Variants in SAMD12 observed in about 807,000 individuals in gnomAD.
SAMD12 encodes the protein sterile alpha motif domain-containing protein 12.
SAMD12 carries 9 observed loss-of-function variants against 15.0 expected under a neutral mutation model. That is an observed-to-expected ratio of 0.60 (90% CI 0.36 to 1.05). The LOEUF (loss-of-function observed/expected upper bound fraction) is 1.05, where lower values mean the gene tolerates loss of function less well. Among genes scored for constraint, SAMD12 ranks in the 50% least tolerant of loss-of-function variants. SAMD12 has a pLI of 0.01. For synonymous variants in SAMD12, 86 were observed against 90.1 expected (o/e 0.96, Z 0.25); for missense variants, 230 against 234.2 (o/e 0.98, Z 0.12).
chr8:118,182,971 T>C, the SAMD12 span, among the ~76,000 whole-genome samples: 1 of 152,224 alleles, frequency 6.6e-6, no homozygotes, highest in Non-Finnish European at 1.5e-5. Flanking sequence ...ATATCTTTAC[T>C]ATAAACACCC....
intron 4 of SAMD12, among the ~76,000 whole-genome samples, chr8:118,292,756 A>G (rs535888693): frequency 5.3e-5 from 8 of 152,164 alleles, no homozygotes; most frequent in Non-Finnish European, 2.9e-5. Context: ...TGGTAGGGAC[A>G]TGGATGAAAT....
chr8:118,282,086 C>T (rs2130165929), intron 4 of SAMD12: 1 of 346,068 alleles, frequency 2.9e-6, no homozygotes, highest in East Asian at 8.0e-5. Context: ...ATGGTAATAA[C>T]TTAATTTGCC....
exon 5 of SAMD12, chr8:118,197,404 T>A: frequency 2.1e-6 from 1 of 465,912 alleles, no homozygotes; most frequent in Non-Finnish European, 3.8e-6. Context: ...CACAGACAGC[T>A]CCCCAAAGGG....
chr8:118,417,335 T>C (rs1351547214), intron 3 of SAMD12, among the ~76,000 whole-genome samples: 1 of 152,178 alleles, frequency 6.6e-6, no homozygotes, highest in Non-Finnish European at 1.5e-5. Context: ...CCTCCCACCT[T>C]GGCCTCCCAA....
At chr8:118,391,124 C>T (rs896500410) in intron 3 of SAMD12, among the ~76,000 whole-genome samples, 5 of 152,036 alleles carry the variant, frequency 3.3e-5, no homozygotes, top group African/African-American at 1.2e-4. Flanking sequence ...TACCAAATCC[C>T]ATCCAAAAAA....
chr8:118,162,524 A>G, the SAMD12 span, among the ~76,000 whole-genome samples: 30 of 152,120 alleles, frequency 2.0e-4, no homozygotes, highest in South Asian at 3.1e-3. Context: ...TGATGAGTTC[A>G]TTGGAGACAT....
At chr8:118,353,242 T>G (rs1818050609) in intron 4 of SAMD12, among the ~76,000 whole-genome samples, 1 of 149,764 alleles carries the variant, frequency 6.7e-6, no homozygotes, top group East Asian at 1.9e-4. Context: ...CATTATATGG[T>G]TTTGTCATAA....
intron 3 of SAMD12, among the ~76,000 whole-genome samples, chr8:118,397,656 A>G (rs1475839019): frequency 6.6e-6 from 1 of 152,204 alleles, no homozygotes; most frequent in Admixed American, 6.5e-5. Flanking sequence ...TAAAAACATT[A>G]TCATCACAAT....
At chr8:118,472,808 C>T (rs888925971) in intron 2 of SAMD12, among the ~76,000 whole-genome samples, 4 of 151,428 alleles carry the variant, frequency 2.6e-5, no homozygotes, top group African/African-American at 9.7e-5. Context: ...ATTGCTGACT[C>T]AGAATAGAAG....
chr8:118,412,893 A>T lies in SAMD12; in HGVS notation c.322+26939T>A, dbSNP rs139250426. ...AGAATATGCTTGGCAGTGGGGTGGTACTGGGGCCCTAGCTATGTGACATGC... is the reference window on the plus strand; with the variant it reads ...AGAATATGCTTGGCAGTGGGGTGGTTCTGGGGCCCTAGCTATGTGACATGC... On this transcript the variant is annotated intron_variant, in intron 3 of 3. Transcript: ENST00000314727. 1.7e-3 allele frequency among the ~76,000 whole-genome samples: 261 copies of T among 152,256 alleles called. 1 individual carries two copies. The highest frequency in any genetic ancestry group is 5.3e-3 in the African/African-American group (222 of 41,532).
downstream of SAMD12, among the ~76,000 whole-genome samples, chr8:118,188,215 G>C (rs919894755): frequency 1.1e-4 from 16 of 152,138 alleles, no homozygotes; most frequent in African/African-American, 3.1e-4. Flanking sequence ...AAAATCATAA[G>C]AGAAAGAGAC....
intron 4 of SAMD12, among the ~76,000 whole-genome samples, chr8:118,358,239 G>A (rs541920999): frequency 4.6e-5 from 7 of 152,184 alleles, no homozygotes; most frequent in Middle Eastern, 3.4e-3. Context: ...TACTTCATCC[G>A]GCCAGACCAC....
the SAMD12 span, among the ~76,000 whole-genome samples, chr8:118,151,907 G>C: frequency 6.6e-6 from 1 of 152,008 alleles, no homozygotes; most frequent in Admixed American, 6.6e-5. Context: ...AGCTCTGGGG[G>C]AGTGCTGGGA....
chr8:118,195,782 A>T (rs1819541593), exon 5 of SAMD12: 1 of 152,416 alleles, frequency 6.6e-6, no homozygotes, highest in Non-Finnish European at 1.5e-5. Context: ...TGCTTGGCAC[A>T]TAGTAGATGC....
chr8:118,149,894 G>A, the SAMD12 span, among the ~76,000 whole-genome samples: 12 of 151,866 alleles, frequency 7.9e-5, no homozygotes, highest in Admixed American at 3.9e-4. Context: ...ATATACATAC[G>A]GGTCTATTTT....
chr8:118,308,029 C>G (rs1242998790), intron 4 of SAMD12, among the ~76,000 whole-genome samples: 1 of 152,242 alleles, frequency 6.6e-6, no homozygotes, highest in Non-Finnish European at 1.5e-5. Context: ...TGTTCCCCTT[C>G]TGCTAGAGAG....
chr8:118,206,761 T>C lies in SAMD12; in HGVS notation c.434-9029A>G, dbSNP rs1819872785. Reference sequence around the variant, plus strand: ...TTCTGGGCACCAAATGGAAATAATCTGATTCAGTAGATCTGGGATAGCCCT... The same window carrying C: ...TTCTGGGCACCAAATGGAAATAATCCGATTCAGTAGATCTGGGATAGCCCT... On this transcript the variant is annotated intron_variant, in intron 4 of 4. Coordinates refer to the SAMD12 transcript ENST00000409003. Among the ~76,000 whole-genome samples the C allele has an allele frequency of 2.0e-5, 3 of 152,236 alleles. No individual in the cohort carries two copies. In the South Asian group the frequency reaches 6.2e-4, roughly 31 times the overall value.
chr8:118,512,729 C>G (rs764213894), intron 2 of SAMD12, among the ~76,000 whole-genome samples: 1 of 152,204 alleles, frequency 6.6e-6, no homozygotes, highest in East Asian at 1.9e-4. Context: ...CTCAAACATA[C>G]CTTGCCCTTT....
chr8:118,577,363 T>G (rs747418272), intron 2 of SAMD12, among the ~76,000 whole-genome samples: 17 of 152,168 alleles, frequency 1.1e-4, no homozygotes, highest in Non-Finnish European at 1.9e-4. Context: ...ATTTTAAAAT[T>G]ATGAAAGCAA....
Sources: allele counts gnomAD v4.1 joint callset (sites outside exome capture counted in the v4.1 genomes callset), GRCh38; gene constraint gnomAD v4.1.1; transcripts MANE v1.5; gene names NCBI Gene and HGNC (gene_info 2026-07-23, HGNC 2026-07-21).